The following PLB1 variants were observed in gnomAD, a reference collection of about 807,000 sequenced individuals.
The protein encoded by PLB1 is phospholipase B1.
A neutral mutation model predicts 227.4 loss-of-function variants in PLB1; 242 were observed. The ratio of observed to expected loss-of-function variants is 1.06; its 90% confidence interval spans 0.96 to 1.18. PLB1 has a LOEUF of 1.18. PLB1 is among the 50% of genes most tolerant of loss of function. PLB1 has a pLI of 0.00. For synonymous variants in PLB1, 757 were observed against 682.2 expected (o/e 1.11, Z -1.71); for missense variants, 1,858 against 1,816.3 (o/e 1.02, Z -0.42).
chr2:28,540,564 A>C (rs539343552), intron 12 of PLB1, 123 bp downstream of exon 12: 1 of 765,568 alleles, frequency 1.3e-6, no homozygotes, highest in South Asian at 1.6e-5. Context: ...AGCTGAATTC[A>C]GGACTAAGTC....
At chr2:28,570,532 T>TA (rs1558790346) in intron 20 of PLB1, among the ~76,000 whole-genome samples, 4 of 152,194 alleles carry the variant, frequency 2.6e-5, no homozygotes, top group Non-Finnish European at 5.9e-5. Context: ...ACGCCTGTAC[T>TA]ACCAGCACTT....
rs757890449 is a variant in PLB1, at chr2:28,603,952, C to G, written c.2775-14C>G. On this transcript the variant is annotated splice_polypyrimidine_tract_variant and intron_variant, in intron 39 of 57. Transcript: ENST00000327757. The stretch of plus-strand genomic sequence containing the variant: ...CTGAGCTCTGGGGCCTCCTGCCTCC[C>G]CCTCTTTGTGCAGCGTTTTGTGTAA... 6.2e-7 allele frequency: 1 copy of G among 1,613,512 alleles called. No individual in the cohort carries two copies. The highest frequency in any genetic ancestry group is 1.1e-5 in the South Asian group (1 of 91,058).
chr2:28,498,741 C>G (rs938821765), intron 1 of PLB1, among the ~76,000 whole-genome samples: 3 of 152,320 alleles, frequency 2.0e-5, no homozygotes, highest in Admixed American at 2.0e-4. Flanking sequence ...GCCAATAACC[C>G]ATTATCTTAA....
At chr2:28,511,407 T>A (rs1668243247) in intron 1 of PLB1, among the ~76,000 whole-genome samples, 2 of 152,250 alleles carry the variant, frequency 1.3e-5, no homozygotes, top group African/African-American at 4.8e-5. Context: ...CATAGTTGGC[T>A]GGTCTCCAGT....
In PLB1 at chr2:28,605,516, G is replaced by A. The variant is rs150942505; in HGVS notation, c.2962-337G>A. 8.6e-3 allele frequency among the ~76,000 whole-genome samples: 1,301 copies of A among 152,034 alleles called. 82 individuals are homozygous for A. The highest frequency in any genetic ancestry group is 0.078 in the Admixed American group (1,192 of 15,270). On this transcript the variant is annotated intron_variant, in intron 41 of 57. Transcript: ENST00000327757. Reference sequence around the variant, plus strand: ...GAAGTAGCTTTTCCCAGCTGGCTGGGCTAAGACTCTCTGCGGGACCAGGAT... The same window carrying A: ...GAAGTAGCTTTTCCCAGCTGGCTGGACTAAGACTCTCTGCGGGACCAGGAT...
In PLB1 at chr2:28,525,272, A is replaced by G. The variant is rs778429008; in HGVS notation, c.249A>G (p.Pro83=). ...ACATTGAGTATCTATTCCAGCCTCC[A>G]GACCCAGGGACGGGCGATCTGGAGA... ...VAAIGNLEIP[P]DPGTGDLEKQ... Residue 83 remains proline (P), a synonymous_variant, in exon 5 of 58, where the codon CCA becomes CCG. Coordinates refer to ENST00000327757, the MANE Select transcript of PLB1 (RefSeq NM_153021.5). 6.2e-7 allele frequency: 1 copy of G among 1,613,578 alleles called. No homozygotes were observed. The highest frequency in any genetic ancestry group is 8.5e-7 in the Non-Finnish European group (1 of 1,179,922).
At chr2:28,580,036 C>T (rs1170459556) in intron 23 of PLB1, among the ~76,000 whole-genome samples, 4 of 152,238 alleles carry the variant, frequency 2.6e-5, no homozygotes, top group Non-Finnish European at 5.9e-5. Context: ...AGCTCCCTTC[C>T]CCAGTCTCCA....
chr2:28,542,296 T>C (rs142540374), intron 13 of PLB1, among the ~76,000 whole-genome samples: 5 of 152,280 alleles, frequency 3.3e-5, no homozygotes, highest in East Asian at 3.9e-4. Flanking sequence ...TATTATACTT[T>C]CCTGTACAAT....
intron 9 of PLB1, among the ~76,000 whole-genome samples, chr2:28,532,435 A>G (rs1558685400): frequency 6.6e-6 from 1 of 152,148 alleles, no homozygotes; most frequent in Non-Finnish European, 1.5e-5. Flanking sequence ...TATTGCTTCA[A>G]TTTTTTTATT....
intron 26 of PLB1, among the ~76,000 whole-genome samples, chr2:28,586,521 A>G (rs1162282190): frequency 6.6e-6 from 1 of 152,144 alleles, no homozygotes; most frequent in East Asian, 1.9e-4. Context: ...CCTTTCTTCT[A>G]GACTAGGCTG....
chr2:28,636,083 G>C lies in PLB1; in HGVS notation c.4098+3044G>C, dbSNP rs554104149. ...TGTATGTATGTATGTATGTATGACA[G>C]AGTCTCACTCTGTTGCCCAGGTTGG... On this transcript the variant is annotated intron_variant, in intron 56 of 57. Coordinates refer to ENST00000327757, the MANE Select transcript of PLB1 (RefSeq NM_153021.5). 6.6e-5 allele frequency among the ~76,000 whole-genome samples: 10 copies of C among 151,902 alleles called. No homozygotes were observed. The East Asian group carries it at 1.9e-3, about 29-fold the overall frequency.
chr2:28,536,712 T>A (rs578004914), intron 9 of PLB1, among the ~76,000 whole-genome samples: 1 of 152,308 alleles, frequency 6.6e-6, no homozygotes, highest in South Asian at 2.1e-4. Context: ...AAATCAGCTT[T>A]TTCCTGACTT....
intron 39 of PLB1, 104 bp downstream of exon 39, chr2:28,603,025 T>C (rs1160814007): frequency 3.0e-6 from 3 of 1,003,824 alleles, no homozygotes; most frequent in Admixed American, 3.8e-5. Flanking sequence ...GGTCTATCCA[T>C]GTGTCCAAGT....
chr2:28,569,973 AAAAAAAGAAAG>A (rs1394362016), intron 20 of PLB1, among the ~76,000 whole-genome samples: 1 of 135,898 alleles, frequency 7.4e-6, no homozygotes, highest in Non-Finnish European at 1.7e-5. Context: ...CTCAAAAAAA[AAAAAAAGAAAG>A]AAAAAAGAAA....
chr2:28,578,967 G>A (rs894491036), intron 22 of PLB1, among the ~76,000 whole-genome samples: 14 of 152,200 alleles, frequency 9.2e-5, no homozygotes, highest in Admixed American at 2.6e-4. Context: ...CTGCCCTGGG[G>A]CCATAGTTTA....
At chr2:28,556,280 G>A (rs1342016123) in intron 17 of PLB1, among the ~76,000 whole-genome samples, 1 of 152,184 alleles carries the variant, frequency 6.6e-6, no homozygotes, top group Non-Finnish European at 1.5e-5. Context: ...GATGCAACCT[G>A]TCATCAACAG....
At chr2:28,506,819 C>A (rs1182278011) in intron 1 of PLB1, among the ~76,000 whole-genome samples, 3 of 152,162 alleles carry the variant, frequency 2.0e-5, no homozygotes, top group African/African-American at 7.2e-5. Flanking sequence ...AGGGGCCCAG[C>A]AGGGATTTGG....
At chr2:28,616,098 A>T (rs894986352) in intron 44 of PLB1, among the ~76,000 whole-genome samples, 2 of 152,224 alleles carry the variant, frequency 1.3e-5, no homozygotes, top group Non-Finnish European at 2.9e-5. Context: ...GGGAGTAGAG[A>T]TAGCAGAAAT....
At chr2:28,600,039 T>G (rs143429665) in intron 35 of PLB1, among the ~76,000 whole-genome samples, 4 of 151,864 alleles carry the variant, frequency 2.6e-5, no homozygotes, top group Non-Finnish European at 5.9e-5. Flanking sequence ...TCCCTAGTAG[T>G]TGGGACTACA....
Sources: gnomAD v4.1 joint callset for allele counts (sites outside exome capture counted in the v4.1 genomes callset) on GRCh38, gnomAD v4.1.1 for gene constraint, MANE v1.5 for transcripts, NCBI Gene and HGNC (gene_info 2026-07-23, HGNC 2026-07-21) for gene names.